The following CSMD1 variants were observed in gnomAD, a reference collection of about 807,000 sequenced individuals.
CSMD1 encodes CUB and Sushi multiple domains 1, also known as CUB and sushi domain-containing protein 1.
Under a neutral mutation model 417.5 loss-of-function variants are expected in CSMD1, and 213 were observed. That is an observed-to-expected ratio of 0.51 (90% CI 0.46 to 0.57). CSMD1 has a LOEUF of 0.57. CSMD1 is among the 20% of genes least tolerant of loss of function. The probability of loss-of-function intolerance (pLI) is 0.00; values close to 1 mark genes in which losing one functional copy is unlikely to be tolerated. For synonymous variants in CSMD1, 2,862 were observed against 1,736.8 expected, an observed-to-expected ratio of 1.65 and a Z score of -16.11; for missense variants, 6,923 against 4,529.7, an observed-to-expected ratio of 1.53 and a Z score of -15.17.
intron 1 of CSMD1, among the ~76,000 whole-genome samples, chr8:4,692,362 G>A (rs528099644): frequency 1.5e-4 from 23 of 152,138 alleles, no homozygotes; most frequent in South Asian, 8.3e-4. Flanking sequence ...ACAACAAAAC[G>A]AAACAAAAAA....
At chr8:3,979,641 C>G (rs1305299934) in intron 5 of CSMD1, among the ~76,000 whole-genome samples, 1 of 152,210 alleles carries the variant, frequency 6.6e-6, no homozygotes, top group African/African-American at 2.4e-5. Flanking sequence ...CCAGAGCTCT[C>G]TCCCCGCCTT....
chr8:3,838,970 TATATA>T lies in CSMD1; in HGVS notation c.819-84933_819-84929del, dbSNP rs1389352113. ...AATTAATATCTATAAATTAATATTA[TATATA>T]ATATATTATATATCATATAATTATA... On this transcript the variant is annotated intron_variant, in intron 5 of 69. Transcript: ENST00000635120. Among the ~76,000 whole-genome samples the T allele has an allele frequency of 4.0e-3, 390 of 98,682 alleles. 4 individuals are homozygous for T. Among genetic ancestry groups the T allele is most frequent in the African/African-American group, 0.016 (342 of 21,756 alleles). The allele number at this position is 98,682 out of a possible 152,430, so 64.7% of individuals were successfully genotyped here. A position where few individuals can be genotyped will look rare whatever the true frequency, so the allele number is the denominator to read the frequency against.
At chr8:4,037,317 A>T (rs917783278) in intron 3 of CSMD1, among the ~76,000 whole-genome samples, 1 of 152,192 alleles carries the variant, frequency 6.6e-6, no homozygotes, top group Non-Finnish European at 1.5e-5. Flanking sequence ...GCTTAGAGCC[A>T]CATTTTCCCA....
chr8:4,077,213 G>C (rs1168244964), intron 3 of CSMD1, among the ~76,000 whole-genome samples: 1 of 149,390 alleles, frequency 6.7e-6, no homozygotes, highest in African/African-American at 2.5e-5. Flanking sequence ...CCAGATGAGA[G>C]CTCTGTGAAT....
At chr8:3,682,157 A>T (rs933268179) in intron 7 of CSMD1, among the ~76,000 whole-genome samples, 2 of 152,212 alleles carry the variant, frequency 1.3e-5, no homozygotes, top group Non-Finnish European at 2.9e-5. Flanking sequence ...TAAAACACCA[A>T]AAGCAATGGC....
At chr8:4,430,206 A>G (rs1008763556) in intron 2 of CSMD1, among the ~76,000 whole-genome samples, 9 of 152,150 alleles carry the variant, frequency 5.9e-5, no homozygotes, top group Non-Finnish European at 1.0e-4. Context: ...TTATCTCAGG[A>G]GTTAGGCCCC....
At chr8:3,610,358 C>A (rs545796244) in intron 8 of CSMD1, among the ~76,000 whole-genome samples, 84 of 152,206 alleles carry the variant, frequency 5.5e-4, no homozygotes, top group African/African-American at 1.9e-3. Context: ...CACAGCGAGA[C>A]CTTGTCTTTA....
intron 2 of CSMD1, among the ~76,000 whole-genome samples, chr8:4,558,089 C>T (rs1308726303): frequency 2.0e-5 from 3 of 152,162 alleles, no homozygotes; most frequent in Non-Finnish European, 4.4e-5. Context: ...ATTCCACAAA[C>T]ATTTACTGAA....
At chr8:4,734,633 T>C (rs1452458849) in intron 1 of CSMD1, among the ~76,000 whole-genome samples, 1 of 152,316 alleles carries the variant, frequency 6.6e-6, no homozygotes, top group East Asian at 1.9e-4. Context: ...TTTTAGGTAC[T>C]GGAAATACTT....
At chr8:3,797,803 G>C (rs75911967) in intron 5 of CSMD1, among the ~76,000 whole-genome samples, 2,306 of 152,010 alleles carry the variant, frequency 0.015, 29 homozygotes, top group Non-Finnish European at 0.021. Context: ...TATTAGGTAG[G>C]TATATGTCTG....
chr8:3,751,905 A>T (rs1455050794), intron 6 of CSMD1, among the ~76,000 whole-genome samples: 2 of 152,208 alleles, frequency 1.3e-5, no homozygotes, highest in South Asian at 4.1e-4. Context: ...CAAATCTGTT[A>T]ATCAACCTAA....
intron 1 of CSMD1, among the ~76,000 whole-genome samples, chr8:4,828,357 G>A (rs1016029888): frequency 2.0e-5 from 3 of 152,122 alleles, no homozygotes; most frequent in African/African-American, 7.2e-5. Flanking sequence ...AAGCCCAATT[G>A]TTGACCTGAA....
chr8:3,494,494 TGATA>T (rs753386024), intron 10 of CSMD1, among the ~76,000 whole-genome samples: 2 of 151,844 alleles, frequency 1.3e-5, no homozygotes, highest in South Asian at 2.1e-4. Flanking sequence ...ATTAGAGGAA[TGATA>T]GATAGATGAT....
intron 50 of CSMD1, among the ~76,000 whole-genome samples, chr8:3,032,298 G>A (rs1585191544): frequency 6.6e-6 from 1 of 151,836 alleles, no homozygotes; most frequent in Non-Finnish European, 1.5e-5. Context: ...ACGTAATTTG[G>A]GAGGAGAAAT....
intron 1 of CSMD1, among the ~76,000 whole-genome samples, chr8:4,954,746 G>C (rs964201887): frequency 2.0e-5 from 3 of 152,072 alleles, no homozygotes; most frequent in Admixed American, 1.3e-4. Flanking sequence ...GAGGATAAGA[G>C]CAATATTAAT....
At position 2,973,214 on chromosome 8, in the gene CSMD1, G is replaced by C; in HGVS notation, c.8826C>G (p.Leu2942=). 6 of 1,613,906 alleles carry C rather than the reference G, an allele frequency of 3.7e-6. No homozygotes were observed. The highest frequency in any genetic ancestry group is 5.1e-6 in the Non-Finnish European group (6 of 1,179,854). Residue 2942 remains leucine (L), a synonymous_variant, in exon 57 of 70, where the codon CTC becomes CTG. Transcript: ENST00000635120. The part of the protein sequence containing the change: ...LGDDFKTKSL[L]RFSCEMGHQL... ...GGTGCCCCATTTCACAGGAGAAGCG[G>C]AGAAGACTCTTTGTCTTAAAGTCAT...
intron 5 of CSMD1, among the ~76,000 whole-genome samples, chr8:3,823,942 A>G (rs1801892999): frequency 6.6e-6 from 1 of 152,198 alleles, no homozygotes; most frequent in South Asian, 2.1e-4. Flanking sequence ...TGGTAATTTT[A>G]TACAAACAGA....
At chr8:4,463,155 A>T (rs1367075763) in intron 2 of CSMD1, among the ~76,000 whole-genome samples, 1 of 152,178 alleles carries the variant, frequency 6.6e-6, no homozygotes, top group African/African-American at 2.4e-5. Flanking sequence ...CCCAAAGAAG[A>T]TACACAAATG....
intron 12 of CSMD1, among the ~76,000 whole-genome samples, chr8:3,435,004 G>C (rs1025899504): frequency 2.7e-5 from 4 of 149,274 alleles, no homozygotes; most frequent in African/African-American, 4.8e-5. Flanking sequence ...AGACAGGACA[G>C]GGAGCTGGTA....
Sources: allele counts gnomAD v4.1 joint callset (sites outside exome capture counted in the v4.1 genomes callset), GRCh38; gene constraint gnomAD v4.1.1; transcripts MANE v1.5; gene names NCBI Gene and HGNC (gene_info 2026-07-23, HGNC 2026-07-21).